ABTB2: variants seen among roughly 807,000 people sequenced by gnomAD.
ABTB2 encodes ankyrin repeat and BTB domain containing 2, also known as ankyrin repeat and BTB/POZ domain-containing protein 2.
ABTB2 carries 56 observed loss-of-function variants against 104.1 expected under a neutral mutation model. That is an observed-to-expected ratio of 0.54 (90% CI 0.43 to 0.67). ABTB2 has a LOEUF of 0.67. Ranked by LOEUF, ABTB2 falls within the 30% of genes least tolerant of loss-of-function variation. The pLI, the probability that ABTB2 is intolerant of heterozygous loss-of-function variation, is 0.00. For missense variants in ABTB2, 1,279 were observed against 1,407.7 expected (o/e 0.91, Z 1.46); for synonymous variants, 606 against 608.2 (o/e 1.00, Z 0.05).
At chr11:34,216,410 A>C (rs1853549221) in intron 1 of ABTB2, among the ~76,000 whole-genome samples, 1 of 152,138 alleles carries the variant, frequency 6.6e-6, no homozygotes, top group South Asian at 2.1e-4. Flanking sequence ...ATATAGTTGG[A>C]ATCATACTAT....
At chr11:34,295,423 A>G (rs1854610346) in intron 1 of ABTB2, among the ~76,000 whole-genome samples, 1 of 152,174 alleles carries the variant, frequency 6.6e-6, no homozygotes, top group African/African-American at 2.4e-5. Context: ...GAAAGGTAAT[A>G]TAAGGAAATT....
intron 10 of ABTB2, among the ~76,000 whole-genome samples, chr11:34,161,417 GC>G (rs1479295867): frequency 6.6e-6 from 1 of 152,174 alleles, no homozygotes; most frequent in African/African-American, 2.4e-5. Context: ...GGAAGTATGG[GC>G]CCAGCACCCA....
chr11:34,200,782 A>G (rs1392494566), intron 2 of ABTB2, among the ~76,000 whole-genome samples: 1 of 152,208 alleles, frequency 6.6e-6, no homozygotes, highest in African/African-American at 2.4e-5. Context: ...TAAGTCAATC[A>G]GCCAGGACTT....
At chr11:34,204,431 A>C in intron 2 of ABTB2, 113 bp downstream of exon 2, 8 of 1,312,530 alleles carry the variant, frequency 6.1e-6, no homozygotes, top group Non-Finnish European at 8.2e-6. Flanking sequence ...CACTTGGAGG[A>C]GGAGGAGGCC....
chr11:34,321,443 A>C (rs547779409), intron 1 of ABTB2, among the ~76,000 whole-genome samples: 1 of 152,376 alleles, frequency 6.6e-6, no homozygotes, highest in East Asian at 1.9e-4. Context: ...TTTCTGTCTC[A>C]AAGTAAATAA....
At chr11:34,211,739 A>G (rs1309671036) in intron 1 of ABTB2, among the ~76,000 whole-genome samples, 2 of 151,742 alleles carry the variant, frequency 1.3e-5, no homozygotes, top group South Asian at 4.2e-4. Context: ...TACTACAAAA[A>G]TTAGTCAGGC....
Position 34,165,298 on chromosome 11 carries a change from C to T in ABTB2, c.1814G>A (p.Ser605Asn). 3 of 1,572,168 alleles carry T rather than the reference C, an allele frequency of 1.9e-6. No individual in the cohort carries two copies. The highest frequency in any genetic ancestry group is 1.4e-5 in the African/African-American group (1 of 73,784). Residue 605 changes from serine to asparagine, a missense_variant, in exon 8 of 17, where the codon AGC becomes AAC. By Grantham distance (46) the Ser-to-Asn change is conservative. Coordinates refer to ENST00000435224, the MANE Select transcript of ABTB2 (RefSeq NM_145804.3). Reference protein sequence around the residue: ...EGSAVNGGEDSYAETPLQLAS... With the variant: ...EGSAVNGGEDNYAETPLQLAS... ...CAGCTGCAGGGGCGTCTCCGCATAG[C>T]TGTCCTCGCCGCCGTTCACTGCCGA...
chr11:34,315,257 A>G (rs1400374966), intron 1 of ABTB2, among the ~76,000 whole-genome samples: 1 of 152,208 alleles, frequency 6.6e-6, no homozygotes, highest in Non-Finnish European at 1.5e-5. Context: ...AAGTCTCCTG[A>G]TTAAAACCAG....
At chr11:34,274,928 G>A (rs1305642981) in intron 1 of ABTB2, among the ~76,000 whole-genome samples, 1 of 152,144 alleles carries the variant, frequency 6.6e-6, no homozygotes, top group Admixed American at 6.5e-5. Context: ...GGGTGATGAC[G>A]TCAGTGGAGA....
chr11:34,223,308 C>G (rs1853648501), intron 1 of ABTB2, among the ~76,000 whole-genome samples: 1 of 152,166 alleles, frequency 6.6e-6, no homozygotes. Flanking sequence ...CCTTCCAGGA[C>G]AGCTGGCCTG....
chr11:34,164,668 G>A lies in ABTB2; in HGVS notation c.1988+18C>T. On this transcript the variant is annotated intron_variant, in intron 9 of 16. Coordinates refer to ENST00000435224, the MANE Select transcript of ABTB2 (RefSeq NM_145804.3). ...CAGTGCCCTCATGTCACACAGGGTG[G>A]GAATCCCGGGCAGGTACCTGTGGCC... The A allele has an allele frequency of 6.7e-7, 1 of 1,485,348 alleles. No homozygotes were observed. Among genetic ancestry groups the A allele is most frequent in the Non-Finnish European group, 8.9e-7 (1 of 1,124,924 alleles). 92.0% of individuals were successfully genotyped at this position (1,485,348 alleles called of 1,614,324 possible).
At chr11:34,167,109 G>A (rs914341567) in intron 7 of ABTB2, 150 bp downstream of exon 7, 2 of 681,076 alleles carry the variant, frequency 2.9e-6, no homozygotes, top group Admixed American at 5.8e-5. Flanking sequence ...GTGGGCTGCT[G>A]CTCTATCGAT....
In ABTB2 at chr11:34,294,710, C is replaced by A. The variant is rs1228575795; in HGVS notation, c.883+61991G>T. On this transcript the variant is annotated intron_variant, in intron 1 of 16. Coordinates refer to ENST00000435224, the MANE Select transcript of ABTB2 (RefSeq NM_145804.3). ...AACATAGTGAGCCCTCGTGTCTCTA[C>A]AAAAACAATTTTTTTTTTTTTTTGA... Among the ~76,000 whole-genome samples the A allele has an allele frequency of 2.0e-5, 3 of 149,372 alleles. No homozygotes were observed. The South Asian group carries it at 6.3e-4, about 31-fold the overall frequency.
chr11:34,354,115 T>TA (rs1855433263), intron 1 of ABTB2, among the ~76,000 whole-genome samples: 1 of 152,116 alleles, frequency 6.6e-6, no homozygotes, highest in Admixed American at 6.5e-5. Flanking sequence ...TTTTCATGTA[T>TA]AAAAAATGAG....
intron 1 of ABTB2, among the ~76,000 whole-genome samples, chr11:34,218,487 G>C (rs1451113321): frequency 6.6e-6 from 1 of 152,092 alleles, no homozygotes; most frequent in African/African-American, 2.4e-5. Flanking sequence ...AGGGTGTAAG[G>C]TCTGTGTCTA....
chr11:34,186,796 C>A (rs1326106649), intron 3 of ABTB2, among the ~76,000 whole-genome samples: 1 of 152,182 alleles, frequency 6.6e-6, no homozygotes, highest in African/African-American at 2.4e-5. Flanking sequence ...CAGACGCCCA[C>A]CCCCAGGCTG....
intron 1 of ABTB2, among the ~76,000 whole-genome samples, chr11:34,229,490 A>C (rs1346355642): frequency 1.3e-5 from 2 of 151,934 alleles, no homozygotes; most frequent in African/African-American, 4.8e-5. Flanking sequence ...CAAAAAAAAA[A>C]AAAAAAGAAA....
In ABTB2 at chr11:34,151,940, T is replaced by TG. The variant is rs1346109882; in HGVS notation, c.*446dup. 4 of 161,582 alleles carry TG rather than the reference T, an allele frequency of 2.5e-5. No homozygotes were observed. Among genetic ancestry groups the TG allele is most frequent in the African/African-American group, 2.4e-5 (1 of 41,714 alleles). The allele number at this position is 161,582 out of a possible 1,614,324, so 10.0% of individuals were successfully genotyped here. Reference sequence around the variant, plus strand: ...CAGCTTTTGAATTACTGCAGACGACTGGGGGCCTAGGCAGTATGCATTCTA... The same window carrying TG: ...CAGCTTTTGAATTACTGCAGACGACTGGGGGGCCTAGGCAGTATGCATTCTA... On this transcript the variant is annotated 3_prime_UTR_variant, in exon 17 of 17. Coordinates refer to ENST00000435224, the MANE Select transcript of ABTB2 (RefSeq NM_145804.3).
intron 1 of ABTB2, among the ~76,000 whole-genome samples, chr11:34,322,582 T>C (rs1855018544): frequency 6.6e-6 from 1 of 151,388 alleles, no homozygotes; most frequent in Non-Finnish European, 1.5e-5. Context: ...CTCAAATAAA[T>C]AAATAAATAA....
Sources: gnomAD v4.1 joint callset for allele counts (sites outside exome capture counted in the v4.1 genomes callset) on GRCh38, gnomAD v4.1.1 for gene constraint, MANE v1.5 for transcripts, NCBI Gene and HGNC (gene_info 2026-07-23, HGNC 2026-07-21) for gene names.